GRIA3: variants seen among roughly 807,000 people sequenced by gnomAD.
GRIA3 encodes glutamate receptor 3.
Under a neutral mutation model 63.0 loss-of-function variants are expected in GRIA3, and 3 were observed. That is an observed-to-expected ratio of 0.05 (90% CI 0.02 to 0.12). The LOEUF (loss-of-function observed/expected upper bound fraction) is 0.12, where lower values mean the gene tolerates loss of function less well. Among genes scored for constraint, GRIA3 ranks in the 10% least tolerant of loss-of-function variants. GRIA3 has a pLI of 1.00. For synonymous variants in GRIA3, 274 were observed against 257.9 expected, an observed-to-expected ratio of 1.06 and a Z score of -0.60; for missense variants, 347 against 700.9, an observed-to-expected ratio of 0.50 and a Z score of 5.70.
chrX:123,473,758 AG>A (rs757066282), intron 13 of GRIA3, among the ~76,000 whole-genome samples: 7 of 111,987 alleles, frequency 6.3e-5, no homozygotes, highest in Non-Finnish European at 9.4e-5. Flanking sequence ...CTTCCAGCTT[AG>A]GCCGTGATAA....
Position 123,389,995 on chromosome X carries a change from C to T in GRIA3, c.751-4973C>T, listed in dbSNP as rs113723491. 2.0e-3 allele frequency among the ~76,000 whole-genome samples: 219 copies of T among 112,010 alleles called. 1 individual carries two copies. Among genetic ancestry groups the T allele is most frequent in the African/African-American group, 5.9e-3 (181 of 30,840 alleles). On this transcript the variant is annotated intron_variant, in intron 5 of 15. Transcript: ENST00000620443. ...TGCTGGGATTACAGGCATGAGCCAC[C>T]GCGCCTGGCCCAGTCTATATCTTTT...
intron 3 of GRIA3, among the ~76,000 whole-genome samples, chrX:123,285,008 C>T (rs1164853068): frequency 1.8e-5 from 2 of 111,227 alleles, no homozygotes; most frequent in East Asian, 2.8e-4. Context: ...AGAGAAAGGT[C>T]GGGTTACCCA....
Position 123,253,556 on chromosome X carries a change from C to T in GRIA3, c.508+14C>T. On this transcript the variant is annotated intron_variant, in intron 3 of 15. Coordinates refer to ENST00000620443, the MANE Select transcript of GRIA3 (RefSeq NM_007325.5). The stretch of plus-strand genomic sequence containing the variant: ...ACACAGAACGAGGTAAGAAGAGGCA[C>T]CTGCTCTGCTCTTTAGATATTCATG... 3 of 1,194,833 alleles carry T rather than the reference C, an allele frequency of 2.5e-6. No homozygotes were observed. The South Asian group carries it at 5.3e-5, about 21-fold the overall frequency.
chrX:123,307,577 T>G (rs2044762849), intron 3 of GRIA3, among the ~76,000 whole-genome samples: 2 of 112,188 alleles, frequency 1.8e-5, no homozygotes, highest in Admixed American at 1.9e-4. Context: ...TCTACAGTTC[T>G]TCCTCTGATG....
chrX:123,279,207 T>C (rs1477978535), intron 3 of GRIA3, among the ~76,000 whole-genome samples: 2 of 111,167 alleles, frequency 1.8e-5, no homozygotes, highest in African/African-American at 6.5e-5. Context: ...TACCAGAGGA[T>C]AGGGTGGTTA....
intron 3 of GRIA3, among the ~76,000 whole-genome samples, chrX:123,279,587 G>A (rs1253342892): frequency 9.0e-6 from 1 of 111,650 alleles, no homozygotes; most frequent in African/African-American, 3.3e-5. Flanking sequence ...TTGTTTCAAG[G>A]AAATAGAAGT....
At chrX:123,429,637 G>A (rs2045607382) in intron 12 of GRIA3, among the ~76,000 whole-genome samples, 1 of 111,916 alleles carries the variant, frequency 8.9e-6, no homozygotes, top group African/African-American at 3.3e-5. Context: ...CCAGCTCCAT[G>A]GAAATCTGGT....
chrX:123,462,266 A>T (rs993070262), intron 12 of GRIA3, among the ~76,000 whole-genome samples: 3 of 111,111 alleles, frequency 2.7e-5, no homozygotes, highest in Non-Finnish European at 5.7e-5. Flanking sequence ...ATCTTATCAC[A>T]CCCCTCCTCA....
intron 2 of GRIA3, among the ~76,000 whole-genome samples, chrX:123,231,618 G>A (rs2044276887): frequency 9.0e-6 from 1 of 111,441 alleles, no homozygotes; most frequent in Admixed American, 9.5e-5. Flanking sequence ...GCCTTTTTGA[G>A]GGAGTAAGGG....
chrX:123,319,516 C>T (rs1018481327), intron 3 of GRIA3, among the ~76,000 whole-genome samples: 9 of 111,677 alleles, frequency 8.1e-5, no homozygotes, highest in Non-Finnish European at 1.3e-4. Flanking sequence ...TGTGTTTTTC[C>T]AAATGTCCAA....
At chrX:123,439,149 CT>C (rs1335154340) in intron 12 of GRIA3, among the ~76,000 whole-genome samples, 2 of 112,157 alleles carry the variant, frequency 1.8e-5, no homozygotes, top group Admixed American at 1.9e-4. Context: ...GCATGCTTCC[CT>C]TTTCTGTGTT....
chrX:123,346,417 T>C (rs980930164), intron 4 of GRIA3, among the ~76,000 whole-genome samples: 1 of 112,033 alleles, frequency 8.9e-6, no homozygotes, highest in Non-Finnish European at 1.9e-5. Context: ...CAAATGCTTA[T>C]AGTTGCTCCC....
At chrX:123,322,502 G>A (rs1042855405) in intron 3 of GRIA3, among the ~76,000 whole-genome samples, 8 of 111,530 alleles carry the variant, frequency 7.2e-5, no homozygotes, top group African/African-American at 1.3e-4. Flanking sequence ...GGTTTGTTAC[G>A]TACCTCTGCT....
intron 3 of GRIA3, among the ~76,000 whole-genome samples, chrX:123,306,467 G>T (rs771200279): frequency 6.3e-5 from 7 of 111,887 alleles, no homozygotes; most frequent in Admixed American, 9.5e-5. Flanking sequence ...TTGGAAGCAG[G>T]GTTGATCTAT....
At chrX:123,240,599 G>A (rs926552454) in intron 2 of GRIA3, among the ~76,000 whole-genome samples, 5 of 111,338 alleles carry the variant, frequency 4.5e-5, no homozygotes, top group East Asian at 2.8e-4. Flanking sequence ...CCCTAGGGTC[G>A]GATATTAATT....
At chrX:123,290,743 C>T (rs941470486) in intron 3 of GRIA3, among the ~76,000 whole-genome samples, 1 of 111,035 alleles carries the variant, frequency 9.0e-6, no homozygotes, top group Non-Finnish European at 1.9e-5. Context: ...TGCTCTTTTT[C>T]GCATTACTTT....
intron 7 of GRIA3, among the ~76,000 whole-genome samples, chrX:123,402,257 T>C (rs1603135528): frequency 9.0e-6 from 1 of 111,182 alleles, no homozygotes; most frequent in East Asian, 2.8e-4. Context: ...GTCACTGTAG[T>C]AGCTGGCAAA....
chrX:123,335,645 A>G (rs1305350838), intron 4 of GRIA3, among the ~76,000 whole-genome samples: 6 of 111,764 alleles, frequency 5.4e-5, no homozygotes, highest in Non-Finnish European at 1.1e-4. Context: ...ATAGAACAAT[A>G]AAACTGATGC....
chrX:123,452,800 T>C (rs1182239732), intron 12 of GRIA3, among the ~76,000 whole-genome samples: 1 of 112,148 alleles, frequency 8.9e-6, no homozygotes, highest in Non-Finnish European at 1.9e-5. Flanking sequence ...GTGATAGCAG[T>C]CCTAGAAGCA....
Sources: gnomAD v4.1 joint callset for allele counts (sites outside exome capture counted in the v4.1 genomes callset) on GRCh38, gnomAD v4.1.1 for gene constraint, MANE v1.5 for transcripts, NCBI Gene and HGNC (gene_info 2026-07-23, HGNC 2026-07-21) for gene names.